FRMPD3: variants seen among roughly 807,000 people sequenced by gnomAD.
The protein encoded by FRMPD3 is FERM and PDZ domain-containing protein 3.
FRMPD3 carries 42 observed loss-of-function variants against 97.9 expected under a neutral mutation model. The ratio of observed to expected loss-of-function variants is 0.43; its 90% CI spans 0.34 to 0.55. FRMPD3 has a LOEUF of 0.55. FRMPD3 is among the 20% of genes least tolerant of loss of function. The probability of loss-of-function intolerance (pLI) is 0.03; values close to 1 mark genes in which losing one functional copy is unlikely to be tolerated. For synonymous variants in FRMPD3, 577 were observed against 581.1 expected (o/e 0.99, Z 0.10); for missense variants, 1,303 against 1,457.7 (o/e 0.89, Z 1.73).
chrX:107,530,210 A>G (rs1425741031), intron 2 of FRMPD3, among the ~76,000 whole-genome samples, 199 bp from the exon 3 acceptor site: 1 of 112,173 alleles, frequency 8.9e-6, no homozygotes, highest in Admixed American at 9.4e-5. Context: ...TCTGCCCTCT[A>G]TCTGCTTATA....
At chrX:107,480,913 AAAGAAAGAAAG>A (rs1921345988) in intron 1 of FRMPD3, among the ~76,000 whole-genome samples, 1 of 103,937 alleles carries the variant, frequency 9.6e-6, no homozygotes, top group African/African-American at 3.6e-5. Context: ...AGAAAGAAAG[AAAGAAAGAAAG>A]AAAGAAAGAA....
intron 1 of FRMPD3, among the ~76,000 whole-genome samples, chrX:107,480,946 A>AAGAAAG (rs1317545981): frequency 9.1e-5 from 10 of 109,972 alleles, no homozygotes; most frequent in African/African-American, 3.3e-4. Context: ...GAAAGAAAGA[A>AAGAAAG]AGAAAGAAAG....
intron 13 of FRMPD3, among the ~76,000 whole-genome samples, chrX:107,579,106 A>G (rs1172101706): frequency 8.9e-6 from 1 of 112,027 alleles, no homozygotes; most frequent in Non-Finnish European, 1.9e-5. Context: ...CCAATAGGGA[A>G]TAGGCATCCT....
chrX:107,580,458 T>C (rs1228124046), intron 13 of FRMPD3, among the ~76,000 whole-genome samples: 1 of 111,614 alleles, frequency 9.0e-6, no homozygotes, highest in Non-Finnish European at 1.9e-5. Flanking sequence ...GCCTTGACAG[T>C]CTAGTGCTTA....
rs189124851 is a variant in FRMPD3, at chrX:107,524,058, C to A, written c.-7-2524C>A. The stretch of plus-strand genomic sequence containing the variant: ...TGCAGAGCCTTCCCTGGCTGATGCC[C>A]ATGTCGGAAATGAGCTGGTGCCATC... On this transcript the variant is annotated intron_variant, in intron 1 of 14. Transcript: ENST00000683843. Among the ~76,000 whole-genome samples the A allele has an allele frequency of 5.2e-4, 59 of 112,498 alleles. 1 individual carries two copies. The highest frequency in any genetic ancestry group is 1.8e-3 in the African/African-American group (57 of 30,995).
rs1409029733 is a variant in FRMPD3, at chrX:107,604,042, C to T, written c.*669C>T. ...CATCCCCAAAGTGCCCTGCCCCTCACTGATGGGCAGGGCAGCTCAGTCCAC... is the reference window on the plus strand; with the variant it reads ...CATCCCCAAAGTGCCCTGCCCCTCATTGATGGGCAGGGCAGCTCAGTCCAC... On this transcript the variant is annotated 3_prime_UTR_variant, in exon 15 of 15. Coordinates refer to ENST00000683843, the MANE Select transcript of FRMPD3 (RefSeq NM_001388459.1). The T allele has an allele frequency of 1.8e-5, 2 of 110,024 alleles. No individual in the cohort carries two copies. Among genetic ancestry groups the T allele is most frequent in the Non-Finnish European group, 3.8e-5 (2 of 52,638 alleles). 9.1% of individuals were successfully genotyped at this position (110,024 alleles called of 1,213,427 possible). A position where few individuals can be genotyped will look rare whatever the true frequency, so the allele number is the denominator to read the frequency against.
intron 1 of FRMPD3, among the ~76,000 whole-genome samples, chrX:107,485,762 C>T (rs750310349): frequency 2.1e-4 from 24 of 111,668 alleles, no homozygotes; most frequent in African/African-American, 5.9e-4. Context: ...GGCCATTACC[C>T]CAGTGCTGAG....
chrX:107,508,221 G>A (rs764590908), intron 1 of FRMPD3, among the ~76,000 whole-genome samples: 237 of 111,770 alleles, frequency 2.1e-3, no homozygotes, highest in Non-Finnish European at 3.4e-3. Context: ...TAGTAAAATC[G>A]AGTTTGCTGT....
At chrX:107,570,601 T>A (rs935430269) in intron 12 of FRMPD3, among the ~76,000 whole-genome samples, 1 of 111,360 alleles carries the variant, frequency 9.0e-6, no homozygotes, top group Non-Finnish European at 1.9e-5. Flanking sequence ...AACCACTACC[T>A]TAAGTGATAT....
chrX:107,570,166 A>G lies in FRMPD3; in HGVS notation c.1296+5100A>G, dbSNP rs544320855. On this transcript the variant is annotated intron_variant, in intron 12 of 14. Coordinates refer to ENST00000683843, the MANE Select transcript of FRMPD3 (RefSeq NM_001388459.1). ...GGAGGGAAGGAAAGGAAAGGAAGGA[A>G]GGGAAGGAGGGAGGAAGGGGGGAGC... is the stretch of plus-strand genomic sequence containing the variant. Among the ~76,000 whole-genome samples the G allele has an allele frequency of 1.9e-4, 16 of 85,377 alleles. No homozygotes were observed. The East Asian group carries it at 6.4e-3, about 34-fold the overall frequency. 74.1% of individuals were successfully genotyped at this position (85,377 alleles called of 115,157 possible).
At position 107,545,879 on chromosome X, in the gene FRMPD3, C is replaced by T. The variant is rs370764440; in HGVS notation, c.402+38C>T. The T allele has an allele frequency of 8.8e-5, 91 of 1,029,375 alleles. No individual in the cohort carries two copies. The African/African-American group carries it at 1.4e-3, about 16-fold the overall frequency. 84.8% of individuals were successfully genotyped at this position (1,029,375 alleles called of 1,213,427 possible). A position where few individuals can be genotyped will look rare whatever the true frequency, so the allele number is the denominator to read the frequency against. On this transcript the variant is annotated intron_variant, in intron 5 of 14. Transcript: ENST00000683843. ...TTGGCTCCCTCTCCTCAGCCCCTGG[C>T]CATAATCTGCCTGGCTGTCAAGCTC... is the stretch of plus-strand genomic sequence containing the variant.
chrX:107,467,727 C>G (rs1445769666), intron 1 of FRMPD3, among the ~76,000 whole-genome samples: 1 of 110,751 alleles, frequency 9.0e-6, no homozygotes, highest in Non-Finnish European at 1.9e-5. Flanking sequence ...TTTTTCCTCA[C>G]CCACACCAAG....
At chrX:107,595,827 A>C (rs1246601143) in intron 13 of FRMPD3, among the ~76,000 whole-genome samples, 1 of 108,442 alleles carries the variant, frequency 9.2e-6, no homozygotes, top group Non-Finnish European at 1.9e-5. Context: ...AATCCTGGCT[A>C]CTCGGGAGGC....
At chrX:107,521,057 TAAAC>T (rs1332733643) in intron 1 of FRMPD3, among the ~76,000 whole-genome samples, 1 of 112,181 alleles carries the variant, frequency 8.9e-6, no homozygotes, top group Admixed American at 9.4e-5. Flanking sequence ...CAGCTGGACT[TAAAC>T]AGTGCCCAGT....
chrX:107,552,516 A>G (rs1921906316), intron 6 of FRMPD3, among the ~76,000 whole-genome samples: 1 of 111,263 alleles, frequency 9.0e-6, no homozygotes, highest in African/African-American at 3.3e-5. Flanking sequence ...GAGAGACATG[A>G]CCTTCTTTTG....
intron 1 of FRMPD3, among the ~76,000 whole-genome samples, chrX:107,516,568 C>T (rs1292480149): frequency 9.0e-6 from 1 of 111,556 alleles, no homozygotes; most frequent in Non-Finnish European, 1.9e-5. Context: ...GATCGCCATT[C>T]GAACTGGTGT....
chrX:107,524,006 G>A (rs1056683824), intron 1 of FRMPD3, among the ~76,000 whole-genome samples: 8 of 112,452 alleles, frequency 7.1e-5, no homozygotes, highest in Admixed American at 9.4e-5. Flanking sequence ...CTTCCTTGCC[G>A]GAGTTCCTTC....
chrX:107,572,022 G>A (rs770329182), intron 12 of FRMPD3, among the ~76,000 whole-genome samples: 4 of 111,857 alleles, frequency 3.6e-5, no homozygotes, highest in Non-Finnish European at 7.5e-5. Context: ...ATCACACCTC[G>A]CAATCATATT....
intron 1 of FRMPD3, among the ~76,000 whole-genome samples, chrX:107,487,382 T>C (rs773945113): frequency 7.1e-5 from 8 of 111,946 alleles, no homozygotes; most frequent in Admixed American, 9.4e-5. Flanking sequence ...TGGGTTGAGT[T>C]GGAAGTCATA....
Sources: gnomAD v4.1 joint callset for allele counts (sites outside exome capture counted in the v4.1 genomes callset) on GRCh38, gnomAD v4.1.1 for gene constraint, MANE v1.5 for transcripts, NCBI Gene and HGNC (gene_info 2026-07-23, HGNC 2026-07-21) for gene names.